Variants in NRXN1 observed in about 807,000 individuals in gnomAD.
The protein encoded by NRXN1 is neurexin-1.
In NRXN1, 39 loss-of-function variants were observed where a neutral mutation model predicts 150.9. That is an observed-to-expected ratio of 0.26 (90% confidence interval 0.20 to 0.34). NRXN1 has a LOEUF of 0.34. Ranked by LOEUF, NRXN1 falls within the 10% of genes least tolerant of loss-of-function variation. The pLI is 1.00. For missense variants in NRXN1, 1,815 were observed against 1,949.9 expected (o/e 0.93, Z 1.30); for synonymous variants, 924 against 757.0 (o/e 1.22, Z -3.62).
intron 19 of NRXN1, among the ~76,000 whole-genome samples, chr2:50,070,780 A>AAG (rs1553560116): frequency 8.0e-5 from 12 of 150,670 alleles, no homozygotes; most frequent in African/African-American, 2.7e-4. Context: ...AAAAAAAAAA[A>AAG]AAAAAAAAAC....
intron 17 of NRXN1, among the ~76,000 whole-genome samples, chr2:50,325,541 T>C (rs762666948): frequency 6.6e-6 from 1 of 152,202 alleles, no homozygotes; most frequent in Non-Finnish European, 1.5e-5. Flanking sequence ...TGAGAAAACG[T>C]GTCCAAAGTG....
chr2:50,605,394 C>T (rs919364921), intron 8 of NRXN1, among the ~76,000 whole-genome samples: 2 of 152,138 alleles, frequency 1.3e-5, no homozygotes, highest in Non-Finnish European at 2.9e-5. Context: ...TAAATGAACA[C>T]ATTTGGAGGA....
chr2:50,515,630 T>G (rs2092608249), intron 12 of NRXN1, among the ~76,000 whole-genome samples: 1 of 151,888 alleles, frequency 6.6e-6, no homozygotes, highest in Admixed American at 6.6e-5. Context: ...TGTGTGTGTG[T>G]GTGTGTGTGT....
chr2:49,982,806 T>C (rs1299573644), intron 21 of NRXN1, among the ~76,000 whole-genome samples: 1 of 152,144 alleles, frequency 6.6e-6, no homozygotes, highest in Admixed American at 6.6e-5. Flanking sequence ...TTTTCTTCCT[T>C]TGTATTTTTT....
chr2:50,949,341 C>A (rs1047114558), intron 2 of NRXN1, among the ~76,000 whole-genome samples: 16 of 151,922 alleles, frequency 1.1e-4, no homozygotes, highest in African/African-American at 3.9e-4. Flanking sequence ...TAGTTACTTA[C>A]CTTTCATATC....
chr2:50,889,809 C>A lies in NRXN1; in HGVS notation c.832+32060G>T, dbSNP rs76247221. Among the ~76,000 whole-genome samples, 1,011 of 151,620 alleles carry A rather than the reference C, an allele frequency of 6.7e-3. 13 individuals are homozygous for A. The highest frequency in any genetic ancestry group is 0.023 in the African/African-American group (967 of 41,494). On this transcript the variant is annotated intron_variant, in intron 5 of 22. Transcript: ENST00000401669. The stretch of plus-strand genomic sequence containing the variant: ...ACAAATTTTATAAAGCATTCATAAA[C>A]ATAACTGCATACAATATATAACCAC...
In NRXN1 at chr2:50,100,345, G is replaced by C. The variant is rs1003644547; in HGVS notation, c.3547-8851C>G. The stretch of plus-strand genomic sequence containing the variant: ...GAGAAAAAGGATGGACAGATCTTGA[G>C]CTCCAGTGATAACATCAAAACACTT... On this transcript the variant is annotated intron_variant, in intron 18 of 22. Coordinates refer to ENST00000401669, the MANE Select transcript of NRXN1 (RefSeq NM_001330078.2). Among the ~76,000 whole-genome samples, 3 of 152,032 alleles carry C rather than the reference G, an allele frequency of 2.0e-5. No individual in the cohort carries two copies. In the South Asian group the frequency reaches 6.2e-4, roughly 31 times the overall value.
chr2:50,829,033 C>A (rs1265301383), intron 5 of NRXN1, among the ~76,000 whole-genome samples: 2 of 152,192 alleles, frequency 1.3e-5, no homozygotes, highest in East Asian at 1.9e-4. Context: ...TGGAGACCAG[C>A]CCAGCCAACA....
At chr2:50,819,577 G>A (rs1352973473) in intron 5 of NRXN1, among the ~76,000 whole-genome samples, 1 of 151,894 alleles carries the variant, frequency 6.6e-6, no homozygotes, top group Non-Finnish European at 1.5e-5. Context: ...TTTCAGTCAC[G>A]CAAGGTGAAA....
Position 50,388,130 on chromosome 2 carries a change from C to A in NRXN1, c.3364+77312G>T, listed in dbSNP as rs536160947. 8.5e-5 allele frequency among the ~76,000 whole-genome samples: 13 copies of A among 152,122 alleles called. 1 individual carries two copies. The South Asian group carries it at 2.7e-3, about 32-fold the overall frequency. On this transcript the variant is annotated intron_variant, in intron 17 of 22. Coordinates refer to ENST00000401669, the MANE Select transcript of NRXN1 (RefSeq NM_001330078.2). Reference sequence around the variant, plus strand: ...CATTTTGGAGAAGAACCAACTATACCAGGTAGAAAAACTACATTTTGGGCA... The same window carrying A: ...CATTTTGGAGAAGAACCAACTATACAAGGTAGAAAAACTACATTTTGGGCA...
At chr2:50,170,231 C>G (rs553948328) in intron 18 of NRXN1, among the ~76,000 whole-genome samples, 7 of 151,878 alleles carry the variant, frequency 4.6e-5, no homozygotes, top group Admixed American at 1.3e-4. Context: ...GCTCCAAAAT[C>G]CAAAATTTTT....
At chr2:50,476,490 T>C (rs2089998153) in intron 15 of NRXN1, among the ~76,000 whole-genome samples, 1 of 152,054 alleles carries the variant, frequency 6.6e-6, no homozygotes, top group Admixed American at 6.6e-5. Context: ...GCCATAAGGA[T>C]TACAAAGTAT....
At chr2:50,488,717 T>A (rs2091048246) in intron 15 of NRXN1, among the ~76,000 whole-genome samples, 1 of 152,072 alleles carries the variant, frequency 6.6e-6, no homozygotes. Flanking sequence ...TCTGTATAAG[T>A]CTCCCTTCAG....
At chr2:50,117,108 G>C (rs537656385) in intron 18 of NRXN1, among the ~76,000 whole-genome samples, 90 of 152,202 alleles carry the variant, frequency 5.9e-4, no homozygotes, top group African/African-American at 2.1e-3. Flanking sequence ...CAGAATGTTT[G>C]ATTATGATTG....
chr2:50,128,418 A>G (rs1465372060), intron 18 of NRXN1, among the ~76,000 whole-genome samples: 1 of 152,236 alleles, frequency 6.6e-6, no homozygotes, highest in Non-Finnish European at 1.5e-5. Context: ...AAATAATATC[A>G]TCAGGAAACA....
chr2:50,193,179 T>C (rs2061552227), intron 18 of NRXN1, among the ~76,000 whole-genome samples: 1 of 152,174 alleles, frequency 6.6e-6, no homozygotes, highest in South Asian at 2.1e-4. Context: ...ATAATTCCAT[T>C]TTTGATGATC....
chr2:50,265,693 T>C (rs1461341526), intron 17 of NRXN1, among the ~76,000 whole-genome samples: 2 of 152,112 alleles, frequency 1.3e-5, no homozygotes, highest in Non-Finnish European at 2.9e-5. Context: ...AGTTTTCACC[T>C]TATAAAAACA....
chr2:50,084,999 A>T (rs970956373), intron 19 of NRXN1, among the ~76,000 whole-genome samples: 1 of 146,874 alleles, frequency 6.8e-6, no homozygotes, highest in Non-Finnish European at 1.5e-5. Flanking sequence ...GAACACTGTG[A>T]AAAAAGATAA....
intron 17 of NRXN1, among the ~76,000 whole-genome samples, chr2:50,276,762 T>A (rs1558433194): frequency 6.6e-6 from 1 of 152,206 alleles, no homozygotes; most frequent in Admixed American, 6.5e-5. Context: ...CCTATATGAT[T>A]TCCTTGCATT....
Sources: allele counts gnomAD v4.1 joint callset (sites outside exome capture counted in the v4.1 genomes callset), GRCh38; gene constraint gnomAD v4.1.1; transcripts MANE v1.5; gene names NCBI Gene and HGNC (gene_info 2026-07-23, HGNC 2026-07-21).